MAD2L1: variants seen among roughly 807,000 people sequenced by gnomAD.
MAD2L1 encodes the protein mitotic arrest deficient 2 like 1.
A neutral mutation model predicts 25.9 loss-of-function variants in MAD2L1; 10 were observed. The ratio of observed to expected loss-of-function variants is 0.39; its 90% CI spans 0.24 to 0.66. The LOEUF is 0.66. Among genes scored for constraint, MAD2L1 ranks in the 30% least tolerant of loss-of-function variants. The probability of loss-of-function intolerance (pLI) is 0.49; values close to 1 mark genes in which losing one functional copy is unlikely to be tolerated. For synonymous variants in MAD2L1, 81 were observed against 91.8 expected, an observed-to-expected ratio of 0.88 and a Z score of 0.67; for missense variants, 180 against 246.4, an observed-to-expected ratio of 0.73 and a Z score of 1.80.
intron 2 of MAD2L1, 64 bp from the exon 3 acceptor site, chr4:120,062,159 C>A (rs919342324): frequency 2.0e-6 from 3 of 1,498,572 alleles, no homozygotes; most frequent in Admixed American, 2.0e-5. Flanking sequence ...GCTCTCTTCT[C>A]GGGTCCCACT....
At position 120,060,956 on chromosome 4, in the gene MAD2L1, C is replaced by G; in HGVS notation, c.363G>C (p.Gln121His). 3 of 1,609,354 alleles carry G rather than the reference C, an allele frequency of 1.9e-6. No homozygotes were observed. The highest frequency in any genetic ancestry group is 2.6e-6 in the Non-Finnish European group (3 of 1,176,260). ...AACGGATTTCATCCTGGATAGCTTT[C>G]TGAGACTTTTCTCTGGGTGCACTGT... ...KDDSAPREKS[Q>H]KAIQDEIRSV... is the part of the protein sequence containing the mutation. The change falls in exon 4 of 5, where the codon CAG becomes CAC. Residue 121 changes from glutamine (Q) to histidine (H), a missense_variant. By Grantham distance (24) the Gln-to-His change is conservative (BLOSUM62 0). Coordinates refer to ENST00000296509, the MANE Select transcript of MAD2L1 (RefSeq NM_002358.4).
chr4:120,060,120 A>G lies in MAD2L1; in HGVS notation c.616T>C (p.Ter206ArgextTer2), dbSNP rs1726186109. ...ACATTATTTTCCTCATGTCATCCTC[A>G]GTCATTGACAGGAATTTTGTAGGCC... The part of the protein sequence containing the change: ...MVAYKIPVND[*>R] The change falls in exon 5 of 5, where the codon TGA becomes CGA. Residue 206 changes from the stop codon to arginine, a stop_lost. Transcript: ENST00000296509. 6.3e-7 allele frequency: 1 copy of G among 1,592,486 alleles called. No homozygotes were observed. The highest frequency in any genetic ancestry group is 1.3e-5 in the African/African-American group (1 of 74,510).
rs1342265830 is a variant in MAD2L1 at position 120,062,027 on chromosome 4, G to C, written c.289C>G (p.Leu97Val). The C allele has an allele frequency of 1.2e-6, 2 of 1,612,938 alleles. No individual in the cohort carries two copies. The highest frequency in any genetic ancestry group is 4.5e-5 in the East Asian group (2 of 44,838). ...TCAATATCAAACTGCCATCTTTCCA[G>C]GACCTCACCACTTTCAATATTTGAG... ...VISNIESGEV[L>V]ERWQFDIECD... The change falls in exon 3 of 5, where the codon CTG (leucine) becomes GTG (valine). Residue 97 changes from leucine (L) to valine (V), a missense_variant. By Grantham distance (32) the Leu-to-Val change is conservative. Transcript: ENST00000296509.
chr4:120,064,008 AC>A (rs1461626230), intron 2 of MAD2L1, among the ~76,000 whole-genome samples: 1 of 152,128 alleles, frequency 6.6e-6, no homozygotes, highest in Non-Finnish European at 1.5e-5. Flanking sequence ...AAACCGAACA[AC>A]TTGCCTCTAG....
At chr4:120,065,355 T>G (rs997054477) in intron 2 of MAD2L1, 5 of 213,224 alleles carry the variant, frequency 2.3e-5, no homozygotes, top group Non-Finnish European at 4.8e-5. Flanking sequence ...TTGTCTCAGA[T>G]AGTGAACACC....
At position 120,062,004 on chromosome 4, in the gene MAD2L1, A is replaced by T; in HGVS notation, c.312T>A (p.Ile104=). 3.7e-6 allele frequency: 6 copies of T among 1,612,858 alleles called. No individual in the cohort carries two copies. The highest frequency in any genetic ancestry group is 5.1e-6 in the Non-Finnish European group (6 of 1,179,342). The stretch of plus-strand genomic sequence containing the variant: ...CATCTTTTGCAGTCTTGTCACACTC[A>T]ATATCAAACTGCCATCTTTCCAGGA... The part of the protein sequence containing the change: ...GEVLERWQFD[I]ECDKTAKDDS... Residue 104 remains isoleucine, a synonymous_variant, in exon 3 of 5, where the codon ATT becomes ATA. Transcript: ENST00000296509.
At chr4:120,061,085 G>A (rs993201163) in intron 3 of MAD2L1, 108 bp from the exon 4 acceptor site, 17 of 642,960 alleles carry the variant, frequency 2.6e-5, no homozygotes, top group African/African-American at 2.6e-4. Flanking sequence ...CATCAAATAA[G>A]CAGGGCTTAT....
At chr4:120,065,601 G>C in intron 2 of MAD2L1, 71 bp downstream of exon 2, 1 of 1,395,960 alleles carries the variant, frequency 7.2e-7, no homozygotes, top group Non-Finnish European at 1.0e-6. Context: ...TCTATGTGCA[G>C]AGCGGAAAAA....
intron 2 of MAD2L1, among the ~76,000 whole-genome samples, chr4:120,064,455 T>A (rs915313027): frequency 6.6e-6 from 1 of 152,158 alleles, no homozygotes; most frequent in African/African-American, 2.4e-5. Flanking sequence ...TCTGGCAATA[T>A]AATACATGGA....
intron 1 of MAD2L1, among the ~76,000 whole-genome samples, chr4:120,066,413 C>G (rs748953487): frequency 1.3e-5 from 2 of 152,020 alleles, no homozygotes; most frequent in African/African-American, 2.4e-5. Context: ...TGTCCTGTAT[C>G]GGAAAGTAAG....
Position 120,066,668 on chromosome 4 carries a change from A to G in MAD2L1, c.67T>C (p.Phe23Leu). 6.2e-7 allele frequency: 1 copy of G among 1,603,194 alleles called. No individual in the cohort carries two copies. Among genetic ancestry groups the G allele is most frequent in the Non-Finnish European group, 8.5e-7 (1 of 1,172,608 alleles). ...LRGSAEIVAE[F>L]FSFGINSILY... ...GGCCTGCGCGAGAACTTACAGAAGAACTCGGCCACGATTTCGGCGCTCCCG... is the reference window on the plus strand; with the variant it reads ...GGCCTGCGCGAGAACTTACAGAAGAGCTCGGCCACGATTTCGGCGCTCCCG... Residue 23 changes from phenylalanine to leucine, a missense_variant, in exon 1 of 5, where the codon TTC becomes CTC. Phe to Leu is a conservative substitution (Grantham distance 22). Transcript: ENST00000296509.
chr4:120,062,045 T>C lies in MAD2L1; in HGVS notation c.271A>G (p.Ile91Val), dbSNP rs765016504. ...VQKLVVVISN[I>V]ESGEVLERWQ... Reference sequence around the variant, plus strand: ...CTTTCCAGGACCTCACCACTTTCAATATTTGAGATAACTACAACCAGTTTC... The same window carrying C: ...CTTTCCAGGACCTCACCACTTTCAACATTTGAGATAACTACAACCAGTTTC... Residue 91 changes from isoleucine (I) to valine (V), a missense_variant, in exon 3 of 5, where the codon ATT (isoleucine) becomes GTT (valine). Transcript: ENST00000296509. 91 of 1,612,958 alleles carry C rather than the reference T, an allele frequency of 5.6e-5. No homozygotes were observed. The highest frequency in any genetic ancestry group is 7.1e-5 in the Non-Finnish European group (84 of 1,179,392).
rs2110508453 is a variant in MAD2L1, at chr4:120,061,995, G to C, written c.321C>G (p.Asp107Glu). 3 of 1,611,442 alleles carry C rather than the reference G, an allele frequency of 1.9e-6. No homozygotes were observed. In the East Asian group the frequency reaches 6.7e-5, roughly 36 times the overall value. ...LERWQFDIEC[D>E]KTAKDDSAPR... ...TTTACCTGTCATCTTTTGCAGTCTT[G>C]TCACACTCAATATCAAACTGCCATC... Residue 107 changes from aspartate to glutamate, a missense_variant, in exon 3 of 5, where the codon GAC becomes GAG. Physicochemically the swap from Asp to Glu is conservative, Grantham distance 45. Coordinates refer to ENST00000296509, the MANE Select transcript of MAD2L1 (RefSeq NM_002358.4).
At position 120,057,680 on chromosome 4, in the gene MAD2L1, A is replaced by T. The variant is rs780766603; in HGVS notation, c.*2438T>A. ...TAGAACCTTCTCTTTAACATGGTGTAGAAACCACTCACAAGTCTTTCAGCT... is the reference window on the plus strand; with the variant it reads ...TAGAACCTTCTCTTTAACATGGTGTTGAAACCACTCACAAGTCTTTCAGCT... On this transcript the variant is annotated 3_prime_UTR_variant, in exon 5 of 5. Coordinates refer to ENST00000296509, the MANE Select transcript of MAD2L1 (RefSeq NM_002358.4). 6.6e-6 allele frequency: 1 copy of T among 152,230 alleles called. No homozygotes were observed. The highest frequency in any genetic ancestry group is 1.5e-5 in the Non-Finnish European group (1 of 68,080). The allele number at this position is 152,230 out of a possible 1,614,324, so 9.4% of individuals were successfully genotyped here.
chr4:120,061,990 G>A lies in MAD2L1; in HGVS notation c.326C>T (p.Thr109Ile), dbSNP rs1726226097. The A allele has an allele frequency of 6.2e-7, 1 of 1,610,100 alleles. No homozygotes were observed. The highest frequency in any genetic ancestry group is 2.2e-5 in the East Asian group (1 of 44,762). The change falls in exon 3 of 5, where the codon ACT (threonine) becomes ATT (isoleucine). Residue 109 changes from threonine (T) to isoleucine (I), a missense_variant. Coordinates refer to ENST00000296509, the MANE Select transcript of MAD2L1 (RefSeq NM_002358.4). ...RWQFDIECDK[T>I]AKDDSAPREK... is the part of the protein sequence containing the mutation. ...TCCTATTTACCTGTCATCTTTTGCA[G>A]TCTTGTCACACTCAATATCAAACTG...
At chr4:120,064,108 G>A (rs190509386) in intron 2 of MAD2L1, among the ~76,000 whole-genome samples, 349 of 152,276 alleles carry the variant, frequency 2.3e-3, no homozygotes, top group African/African-American at 8.0e-3. Context: ...TGTCATTAAC[G>A]CAGTCTCAAA....
rs1314131618 is a variant in MAD2L1, at chr4:120,060,984, A to C, written c.342-7T>G. 3.3e-5 allele frequency: 50 copies of C among 1,533,192 alleles called. 1 individual carries two copies. The East Asian group carries it at 1.1e-3, about 35-fold the overall frequency. 95.0% of individuals were successfully genotyped at this position (1,533,192 alleles called of 1,614,324 possible). On this transcript the variant is annotated splice_region_variant and splice_polypyrimidine_tract_variant and intron_variant, in intron 3 of 4. Transcript: ENST00000296509. ...AGACTTTTCTCTGGGTGCACTGTCA[A>C]AAAAAAATCAAATCAATTAATTCAT...
chr4:120,061,906 T>G, intron 3 of MAD2L1, 69 bp downstream of exon 3: 1 of 1,247,328 alleles, frequency 8.0e-7, no homozygotes, highest in Non-Finnish European at 1.1e-6. Context: ...CAATTAGAAC[T>G]CAATTAGTAA....
intron 2 of MAD2L1, among the ~76,000 whole-genome samples, chr4:120,064,677 G>A (rs1726284362): frequency 6.6e-6 from 1 of 152,152 alleles, no homozygotes; most frequent in African/African-American, 2.4e-5. Flanking sequence ...AGGTTGTTGT[G>A]GGATTCCCCT....
Sources: allele counts gnomAD v4.1 joint callset (sites outside exome capture counted in the v4.1 genomes callset), GRCh38; gene constraint gnomAD v4.1.1; transcripts MANE v1.5; gene names NCBI Gene and HGNC (gene_info 2026-07-23, HGNC 2026-07-21).